TRARG1: variants seen among roughly 807,000 people sequenced by gnomAD.
TRARG1 encodes the protein trafficking regulator of GLUT4 (SLC2A4) 1 (gene/pseudogene), also known as trafficking regulator of GLUT4 1.
A neutral mutation model predicts 13.3 loss-of-function variants in TRARG1; 16 were observed. The observed-to-expected ratio is 1.20, with a 90% CI of 0.81 to 1.83. TRARG1 has a LOEUF of 1.83. TRARG1 is among the 40% of genes most tolerant of loss of function. TRARG1 has a pLI of 0.00. For missense variants in TRARG1, 250 were observed against 237.4 expected, an observed-to-expected ratio of 1.05 and a Z score of -0.35; for synonymous variants, 113 against 106.2, an observed-to-expected ratio of 1.06 and a Z score of -0.39.
Position 1,298,332 on chromosome 17 carries a change from G to T in TRARG1, c.*68G>T, listed in dbSNP as rs143340878. 1.6e-3 allele frequency: 2,569 copies of T among 1,574,204 alleles called. 30 individuals carry two copies. The African/African-American group carries it at 0.027, about 17-fold the overall frequency. On this transcript the variant is annotated 3_prime_UTR_variant, in exon 3 of 3. Transcript: ENST00000333813. ...TCGGGAGAGCTCTGACCTGCACACC[G>T]CGGGAGGCCAGGGTGCTGACTGTCA...
intron 1 of TRARG1, among the ~76,000 whole-genome samples, chr17:1,284,086 G>C (rs148620006): frequency 0.027 from 4,158 of 151,748 alleles, 79 homozygotes; most frequent in Non-Finnish European, 0.041. Flanking sequence ...CTGCACTCCA[G>C]CCTGGGCGAC....
chr17:1,282,465 G>A (rs1180782407), intron 1 of TRARG1, among the ~76,000 whole-genome samples: 1 of 151,558 alleles, frequency 6.6e-6, no homozygotes, highest in Non-Finnish European at 1.5e-5. Flanking sequence ...CTGCCTCCCA[G>A]GTTCAAGCAG....
At position 1,300,330 on chromosome 17, in the gene TRARG1, A is replaced by G. The variant is rs2072145876; in HGVS notation, c.*2066A>G. The G allele has an allele frequency of 6.6e-6, 1 of 152,062 alleles. No homozygotes were observed. Among genetic ancestry groups the G allele is most frequent in the African/African-American group, 2.4e-5 (1 of 41,384 alleles). The allele number at this position is 152,062 out of a possible 1,614,324, so 9.4% of individuals were successfully genotyped here. A position where few individuals can be genotyped will look rare whatever the true frequency, so the allele number is the denominator to read the frequency against. ...CCAGGGAGAGGACAGAAACGAACCG[A>G]TGGTTGAGGGATTGTCACGGGAGGA... On this transcript the variant is annotated 3_prime_UTR_variant, in exon 3 of 3. Transcript: ENST00000333813.
In TRARG1 at chr17:1,295,572, A is replaced by T. The variant is rs370923967; in HGVS notation, c.469A>T (p.Ile157Phe). 8.7e-6 allele frequency: 14 copies of T among 1,613,286 alleles called. No individual in the cohort carries two copies. The East Asian group carries it at 2.9e-4, about 33-fold the overall frequency. Residue 157 changes from isoleucine (I) to phenylalanine (F), a missense_variant, in exon 2 of 3, where the codon ATC (isoleucine) becomes TTC (phenylalanine). Ile to Phe is a conservative substitution (Grantham distance 21, BLOSUM62 0). Coordinates refer to ENST00000333813, the MANE Select transcript of TRARG1 (RefSeq NM_172367.3). The stretch of plus-strand genomic sequence containing the variant: ...GGCTCGGCTGCTCAGCATTACCCTC[A>T]TCATCATGGGCATCGTCATTATCAT... ...RLARLLSITL[I>F]IMGIVIIMVA... is the part of the protein sequence containing the mutation.
Position 1,296,667 on chromosome 17 carries a change from G to A in TRARG1, c.520+1044G>A, listed in dbSNP as rs11658834. 2.9e-3 allele frequency among the ~76,000 whole-genome samples: 438 copies of A among 151,948 alleles called. 1 individual carries two copies. Among genetic ancestry groups the A allele is most frequent in the Non-Finnish European group, 4.4e-3 (298 of 67,962 alleles). ...GCTGGGCTTACAGGTGCCCACCACCGCACCCAGCTGATTTTGTATTTTTAG... is the reference window on the plus strand; with the variant it reads ...GCTGGGCTTACAGGTGCCCACCACCACACCCAGCTGATTTTGTATTTTTAG... On this transcript the variant is annotated intron_variant, in intron 2 of 2. Coordinates refer to ENST00000333813, the MANE Select transcript of TRARG1 (RefSeq NM_172367.3).
chr17:1,287,880 T>G (rs2072035289), intron 1 of TRARG1, among the ~76,000 whole-genome samples: 1 of 151,484 alleles, frequency 6.6e-6, no homozygotes, highest in African/African-American at 2.4e-5. Context: ...CTTGAACTCT[T>G]GCCCTCAGGT....
At chr17:1,282,951 A>G (rs2071995093) in intron 1 of TRARG1, among the ~76,000 whole-genome samples, 1 of 152,102 alleles carries the variant, frequency 6.6e-6, no homozygotes, top group African/African-American at 2.4e-5. Flanking sequence ...CGGCCGCCCA[A>G]AGTGCTGGGA....
rs542504095 is a variant in TRARG1 at position 1,294,468 on chromosome 17, C to CTTTTTTTTT, written c.388-1012_388-1004dup. Among the ~76,000 whole-genome samples the CTTTTTTTTT allele has an allele frequency of 4.7e-4, 53 of 113,424 alleles. 3 individuals are homozygous for CTTTTTTTTT. The highest frequency in any genetic ancestry group is 5.3e-4 in the Non-Finnish European group (31 of 58,690). 74.4% of individuals were successfully genotyped at this position (113,424 alleles called of 152,430 possible). On this transcript the variant is annotated intron_variant, in intron 1 of 2. Coordinates refer to ENST00000333813, the MANE Select transcript of TRARG1 (RefSeq NM_172367.3). The stretch of plus-strand genomic sequence containing the variant: ...GAAATGGAGGCTGTGAAGACAGTGT[C>CTTTTTTTTT]TTTTTTTTTTTTTTTTTTTGAGGCA...
chr17:1,279,956 C>T lies in TRARG1; in HGVS notation c.-46C>T. On this transcript the variant is annotated 5_prime_UTR_variant, in exon 1 of 3. Coordinates refer to ENST00000333813, the MANE Select transcript of TRARG1 (RefSeq NM_172367.3). Reference sequence around the variant, plus strand: ...TGGCGCGCTGAGGTCCCTCCAGAGCCCCTTGTCCCAGCCTGGAGCTGCAGC... The same window carrying T: ...TGGCGCGCTGAGGTCCCTCCAGAGCTCCTTGTCCCAGCCTGGAGCTGCAGC... 6.4e-7 allele frequency: 1 copy of T among 1,570,200 alleles called. No individual in the cohort carries two copies. Among genetic ancestry groups the T allele is most frequent in the Non-Finnish European group, 8.6e-7 (1 of 1,157,372 alleles).
intron 1 of TRARG1, among the ~76,000 whole-genome samples, chr17:1,280,873 G>A (rs568647461): frequency 5.3e-5 from 8 of 152,298 alleles, no homozygotes; most frequent in African/African-American, 1.2e-4. Flanking sequence ...GAGTCGCAGC[G>A]GCTTCCCTGC....
intron 1 of TRARG1, among the ~76,000 whole-genome samples, chr17:1,284,483 G>A (rs1048790062): frequency 3.3e-5 from 5 of 152,286 alleles, no homozygotes; most frequent in African/African-American, 9.6e-5. Flanking sequence ...GGGGACCCTC[G>A]TAGGAATGCA....
intron 1 of TRARG1, among the ~76,000 whole-genome samples, chr17:1,287,704 G>A (rs1470722147): frequency 6.6e-6 from 1 of 151,742 alleles, no homozygotes; most frequent in Non-Finnish European, 1.5e-5. Flanking sequence ...CCAGGCTGGA[G>A]TGCAATAGTG....
At chr17:1,284,204 C>T (rs932746910) in intron 1 of TRARG1, among the ~76,000 whole-genome samples, 1 of 152,104 alleles carries the variant, frequency 6.6e-6, no homozygotes, top group Non-Finnish European at 1.5e-5. Context: ...CCCTCCCAGC[C>T]CTGAGCAACC....
At chr17:1,290,891 G>A (rs540803202) in intron 1 of TRARG1, among the ~76,000 whole-genome samples, 8 of 143,914 alleles carry the variant, frequency 5.6e-5, no homozygotes, top group East Asian at 2.1e-4. Context: ...GTGAGTTCTC[G>A]CGAGATCTGA....
chr17:1,283,580 G>A (rs1168940117), intron 1 of TRARG1, among the ~76,000 whole-genome samples: 1 of 151,990 alleles, frequency 6.6e-6, no homozygotes, highest in Non-Finnish European at 1.5e-5. Context: ...GCCGAGGCGG[G>A]TGGATCTCCT....
At chr17:1,289,807 A>T (rs1212711749) in intron 1 of TRARG1, among the ~76,000 whole-genome samples, 1 of 151,808 alleles carries the variant, frequency 6.6e-6, no homozygotes, top group African/African-American at 2.4e-5. Context: ...CTACATACTC[A>T]TGGCACCCCG....
Position 1,279,662 on chromosome 17 carries a change from G to A in TRARG1, c.-340G>A, listed in dbSNP as rs554985956. 1.1e-5 allele frequency: 3 copies of A among 282,100 alleles called. No individual in the cohort carries two copies. The highest frequency in any genetic ancestry group is 7.4e-5 in the South Asian group (1 of 13,498). 17.5% of individuals were successfully genotyped at this position (282,100 alleles called of 1,614,324 possible). A position where few individuals can be genotyped will look rare whatever the true frequency, so the allele number is the denominator to read the frequency against. On this transcript the variant is annotated 5_prime_UTR_variant, in exon 1 of 3. Coordinates refer to ENST00000333813, the MANE Select transcript of TRARG1 (RefSeq NM_172367.3). ...AGCCTGAGCCTCCCTGGGAAGAGGC[G>A]CATTCTTCTCTCTGCTCTCTGAGCT... is the stretch of plus-strand genomic sequence containing the variant.
In TRARG1 at chr17:1,280,279, C is replaced by T; in HGVS notation, c.278C>T (p.Ser93Phe). ...AGGGCGTCCTCCATCGCCACCACCTCCTATGCCCAAGACCAAGAAGCCCCC... is the reference window on the plus strand; with the variant it reads ...AGGGCGTCCTCCATCGCCACCACCTTCTATGCCCAAGACCAAGAAGCCCCC... Reference protein sequence around the residue: ...SRRASSIATTSYAQDQEAPRD... With the variant: ...SRRASSIATTFYAQDQEAPRD... Residue 93 changes from serine (S) to phenylalanine (F), a missense_variant, in exon 1 of 3, where the codon TCC (serine) becomes TTC (phenylalanine). Ser to Phe is a radical substitution (Grantham distance 155). Transcript: ENST00000333813. The T allele has an allele frequency of 1.2e-6, 2 of 1,614,110 alleles. No individual in the cohort carries two copies. The highest frequency in any genetic ancestry group is 1.7e-6 in the Non-Finnish European group (2 of 1,180,012).
At position 1,284,255 on chromosome 17, in the gene TRARG1, A is replaced by T. The variant is rs140295481; in HGVS notation, c.387+3867A>T. On this transcript the variant is annotated intron_variant, in intron 1 of 2. Transcript: ENST00000333813. ...GTTTCTCTAGATCTGCCTATTCTGG[A>T]CATGAAATGATAAATGGAATCATAC... Among the ~76,000 whole-genome samples, 923 of 152,300 alleles carry T rather than the reference A, an allele frequency of 6.1e-3. 12 individuals carry two copies. The highest frequency in any genetic ancestry group is 0.021 in the African/African-American group (881 of 41,560).
Sources: allele counts gnomAD v4.1 joint callset (sites outside exome capture counted in the v4.1 genomes callset), GRCh38; gene constraint gnomAD v4.1.1; transcripts MANE v1.5; gene names NCBI Gene and HGNC (gene_info 2026-07-23, HGNC 2026-07-21).